BMPER: variants seen among roughly 807,000 people sequenced by gnomAD.
BMPER encodes the protein BMP-binding endothelial regulator protein.
In BMPER, 45 loss-of-function variants were observed where a neutral mutation model predicts 87.3. That is an observed-to-expected ratio of 0.52 (90% CI 0.41 to 0.66). The LOEUF is 0.66. BMPER is among the 30% of genes least tolerant of loss of function. The pLI is 0.00. For synonymous variants in BMPER, 326 were observed against 316.2 expected (o/e 1.03, Z -0.33); for missense variants, 784 against 867.5 (o/e 0.90, Z 1.21).
intron 6 of BMPER, among the ~76,000 whole-genome samples, chr7:33,976,225 T>A (rs1785683710): frequency 6.6e-6 from 1 of 152,162 alleles, no homozygotes; most frequent in Admixed American, 6.5e-5. Flanking sequence ...CTATGTCAGC[T>A]CCCTGCAGCC....
At chr7:34,109,237 C>T (rs1001500969) in intron 13 of BMPER, among the ~76,000 whole-genome samples, 4 of 152,112 alleles carry the variant, frequency 2.6e-5, no homozygotes, top group Non-Finnish European at 4.4e-5. Context: ...AGTTCAAAGG[C>T]GGCAAAAAGC....
chr7:33,905,515 A>C, upstream of BMPER: 4 of 1,305,548 alleles, frequency 3.1e-6, no homozygotes, highest in Non-Finnish European at 4.0e-6. Flanking sequence ...CGGTCTCCCG[A>C]CACGCCGGCT....
At chr7:34,096,449 T>C (rs900366958) in intron 13 of BMPER, among the ~76,000 whole-genome samples, 4 of 152,196 alleles carry the variant, frequency 2.6e-5, no homozygotes, top group Non-Finnish European at 5.9e-5. Context: ...ACTCTGTCCG[T>C]TTCCCAATCA....
In BMPER at chr7:34,155,395, C is replaced by T. The variant is rs1791283827; in HGVS notation, c.*2122C>T. Reference sequence around the variant, plus strand: ...ATTCATCCAAGGACTGAGTTATTCTCCCCATGAGGCTAACCGGCCTCTTTC... The same window carrying T: ...ATTCATCCAAGGACTGAGTTATTCTTCCCATGAGGCTAACCGGCCTCTTTC... On this transcript the variant is annotated 3_prime_UTR_variant, in exon 15 of 15. Coordinates refer to ENST00000649409, the MANE Select transcript of BMPER (RefSeq NM_001365308.1). 6.6e-6 allele frequency: 1 copy of T among 152,074 alleles called. No individual in the cohort carries two copies. The highest frequency in any genetic ancestry group is 1.9e-4 in the East Asian group (1 of 5,154). 9.4% of individuals were successfully genotyped at this position (152,074 alleles called of 1,614,324 possible).
chr7:34,090,117 A>G (rs1269594494), intron 13 of BMPER, among the ~76,000 whole-genome samples: 1 of 152,216 alleles, frequency 6.6e-6, no homozygotes, highest in South Asian at 2.1e-4. Flanking sequence ...AAAAGTTTTA[A>G]CCAAATGCAT....
intron 2 of BMPER, among the ~76,000 whole-genome samples, chr7:33,922,228 C>T (rs1431124475): frequency 1.3e-5 from 2 of 152,132 alleles, no homozygotes; most frequent in Non-Finnish European, 2.9e-5. Context: ...CCTGGCATTC[C>T]ATTGTTCCAG....
chr7:34,095,009 ACT>A (rs1338731235), intron 13 of BMPER, among the ~76,000 whole-genome samples: 1 of 152,210 alleles, frequency 6.6e-6, no homozygotes, highest in Non-Finnish European at 1.5e-5. Flanking sequence ...AGAAATTGAT[ACT>A]GTTTCCTAAA....
intron 13 of BMPER, among the ~76,000 whole-genome samples, chr7:34,099,687 G>T (rs1354452247): frequency 3.9e-5 from 6 of 152,202 alleles, no homozygotes; most frequent in Non-Finnish European, 5.9e-5. Flanking sequence ...ATAGAAGGCT[G>T]AATTCATCAT....
intron 6 of BMPER, among the ~76,000 whole-genome samples, chr7:34,030,296 G>GT (rs769845365): frequency 1.3e-5 from 2 of 152,070 alleles, no homozygotes; most frequent in Non-Finnish European, 1.5e-5. Flanking sequence ...ACCTATAGTA[G>GT]TAAAATTGAA....
At chr7:33,923,665 G>A (rs1270055110) in intron 2 of BMPER, among the ~76,000 whole-genome samples, 2 of 152,266 alleles carry the variant, frequency 1.3e-5, no homozygotes, top group African/African-American at 4.8e-5. Flanking sequence ...ACCTCTGGTG[G>A]TCACTGAATT....
intron 2 of BMPER, among the ~76,000 whole-genome samples, chr7:33,912,704 T>C (rs990182944): frequency 6.6e-6 from 1 of 152,206 alleles, no homozygotes; most frequent in Non-Finnish European, 1.5e-5. Flanking sequence ...TCCTTTGTGC[T>C]ATAAAAGAAT....
At chr7:33,967,295 G>T (rs74565023) in intron 4 of BMPER, among the ~76,000 whole-genome samples, 8,832 of 152,220 alleles carry the variant, frequency 0.058, 276 homozygotes, top group Middle Eastern at 0.099. Context: ...TAGAAAAGGT[G>T]CTGTTAAATC....
intron 11 of BMPER, among the ~76,000 whole-genome samples, chr7:34,072,323 A>T (rs1254329809): frequency 6.6e-6 from 1 of 152,116 alleles, no homozygotes; most frequent in Non-Finnish European, 1.5e-5. Flanking sequence ...ACACAGCACG[A>T]ATGCATTGTT....
intron 6 of BMPER, among the ~76,000 whole-genome samples, chr7:34,019,832 C>T (rs1337934777): frequency 6.6e-6 from 1 of 151,890 alleles, no homozygotes; most frequent in African/African-American, 2.4e-5. Flanking sequence ...ACTTCAGAAG[C>T]TCTACAGAGT....
At chr7:34,001,147 T>C (rs1786569811) in intron 6 of BMPER, among the ~76,000 whole-genome samples, 1 of 151,944 alleles carries the variant, frequency 6.6e-6, no homozygotes, top group South Asian at 2.1e-4. Context: ...TTTTGTGATA[T>C]CTTTGTTTTT....
At chr7:33,961,954 C>A (rs1163492680) in intron 3 of BMPER, among the ~76,000 whole-genome samples, 2 of 152,014 alleles carry the variant, frequency 1.3e-5, no homozygotes, top group African/African-American at 4.8e-5. Context: ...CAGTTCTTTG[C>A]CATTTGACTG....
chr7:33,962,116 C>T (rs575825951), intron 3 of BMPER, among the ~76,000 whole-genome samples: 3 of 152,286 alleles, frequency 2.0e-5, no homozygotes. Flanking sequence ...GGTATTCTTT[C>T]TCCCTTGGGA....
At chr7:34,005,430 G>T (rs1786700111) in intron 6 of BMPER, among the ~76,000 whole-genome samples, 1 of 151,900 alleles carries the variant, frequency 6.6e-6, no homozygotes, top group African/African-American at 2.4e-5. Context: ...CTCTGACAAT[G>T]TTGACTTTTT....
chr7:33,910,758 G>A, intron 2 of BMPER, among the ~76,000 whole-genome samples: 1 of 141,118 alleles, frequency 7.1e-6, no homozygotes, highest in South Asian at 2.2e-4. Context: ...TGAAGACAGA[G>A]AGACCTTGTC....
Sources: allele counts gnomAD v4.1 joint callset (sites outside exome capture counted in the v4.1 genomes callset), GRCh38; gene constraint gnomAD v4.1.1; transcripts MANE v1.5; gene names NCBI Gene and HGNC (gene_info 2026-07-23, HGNC 2026-07-21).